SETX: variants seen among roughly 807,000 people sequenced by gnomAD.
SETX encodes the protein senataxin, also known as helicase senataxin.
A neutral mutation model predicts 227.2 loss-of-function variants in SETX; 90 were observed. The observed-to-expected ratio is 0.40, with a 90% CI of 0.33 to 0.47. The LOEUF is 0.47. SETX is among the 20% of genes least tolerant of loss of function. The probability of loss-of-function intolerance (pLI) is 0.91; values close to 1 mark genes in which losing one functional copy is unlikely to be tolerated. For synonymous variants in SETX, 1,210 were observed against 1,113.2 expected (o/e 1.09, Z -1.73); for missense variants, 3,052 against 3,181.5 (o/e 0.96, Z 0.98).
intron 4 of SETX, among the ~76,000 whole-genome samples, chr9:132,345,247 AC>A (rs1466781352): frequency 6.6e-6 from 1 of 152,190 alleles, no homozygotes; most frequent in Non-Finnish European, 1.5e-5. Context: ...AAACCCTGCC[AC>A]AGACATACTA....
At chr9:132,325,790 G>A (rs564275130) in intron 10 of SETX, among the ~76,000 whole-genome samples, 18 of 152,050 alleles carry the variant, frequency 1.2e-4, no homozygotes, top group Non-Finnish European at 1.5e-5. Context: ...AAATTAGTGA[G>A]GCCTGGTGGC....
At chr9:132,277,264 G>C in intron 21 of SETX, 112 bp from the exon 22 acceptor site, 1 of 830,298 alleles carries the variant, frequency 1.2e-6, no homozygotes. Context: ...GCAAGTAAGG[G>C]GATAGCAGGA....
chr9:132,275,858 G>A (rs988920616), intron 22 of SETX, among the ~76,000 whole-genome samples: 1 of 152,072 alleles, frequency 6.6e-6, no homozygotes, highest in Non-Finnish European at 1.5e-5. Context: ...GATCTTCCTT[G>A]TCCCTCACCA....
intron 15 of SETX, among the ~76,000 whole-genome samples, chr9:132,291,483 A>G (rs1412581205): frequency 6.6e-6 from 1 of 151,986 alleles, no homozygotes; most frequent in Non-Finnish European, 1.5e-5. Flanking sequence ...TTCTTAATTC[A>G]CTTACGTTTC....
At chr9:132,342,864 G>A in intron 4 of SETX, 65 bp from the exon 5 acceptor site, 4 of 1,150,012 alleles carry the variant, frequency 3.5e-6, no homozygotes, top group South Asian at 1.2e-5. Flanking sequence ...CCTAAATTAG[G>A]CTCCTTGGGC....
intron 20 of SETX, among the ~76,000 whole-genome samples, 157 bp from the exon 21 acceptor site, chr9:132,278,414 C>G (rs558503883): frequency 1.4e-5 from 2 of 141,428 alleles, no homozygotes; most frequent in South Asian, 4.7e-4. Context: ...GTTTCTGACT[C>G]TGAGCCTCAA....
At chr9:132,355,364 C>T (rs1848859784), upstream of SETX, among the ~76,000 whole-genome samples, 1 of 152,202 alleles carries the variant, frequency 6.6e-6, no homozygotes, top group East Asian at 1.9e-4. Flanking sequence ...TTTTCCACGC[C>T]TCAGGTGTCT....
chr9:132,350,634 T>C (rs993628025), intron 2 of SETX, among the ~76,000 whole-genome samples: 1 of 152,220 alleles, frequency 6.6e-6, no homozygotes, highest in Non-Finnish European at 1.5e-5. Flanking sequence ...ATCAAATACA[T>C]TGTCATATGA....
At chr9:132,283,607 T>C (rs1272986398) in intron 18 of SETX, among the ~76,000 whole-genome samples, 194 bp from the exon 19 acceptor site, 1 of 152,238 alleles carries the variant, frequency 6.6e-6, no homozygotes. Flanking sequence ...GCAGAAAGAA[T>C]GTGTGCTTCG....
intron 15 of SETX, among the ~76,000 whole-genome samples, chr9:132,291,159 C>CTTT (rs139976052): frequency 6.4e-3 from 534 of 83,800 alleles, no homozygotes; most frequent in East Asian, 0.016. Flanking sequence ...GTTTGAAAAC[C>CTTT]TTTTTTTTTT....
At chr9:132,299,852 A>C (rs894006141) in intron 12 of SETX, among the ~76,000 whole-genome samples, 3 of 152,008 alleles carry the variant, frequency 2.0e-5, no homozygotes, top group Non-Finnish European at 4.4e-5. Flanking sequence ...CATAAGAAGG[A>C]CAAGTCTCGG....
Position 132,354,087 on chromosome 9 carries a change from T to A in SETX, c.-114-332A>T, listed in dbSNP as rs771171273. Among the ~76,000 whole-genome samples, 9 of 152,316 alleles carry A rather than the reference T, an allele frequency of 5.9e-5. No individual in the cohort carries two copies. The Middle Eastern group carries it at 0.01, about 173-fold the overall frequency. On this transcript the variant is annotated intron_variant, in intron 1 of 25. Transcript: ENST00000224140. ...CTCGGCCTTCTCCTTGTGGAGCTCT[T>A]TTCCCTCAAGGCAGTCACCCCCGTT...
At chr9:132,333,408 A>AAT (rs773749543) in intron 7 of SETX, among the ~76,000 whole-genome samples, 26 of 72,202 alleles carry the variant, frequency 3.6e-4, no homozygotes, top group Admixed American at 8.7e-4. Flanking sequence ...GAAAAAAAAA[A>AAT]ATATATATAC....
intron 11 of SETX, among the ~76,000 whole-genome samples, chr9:132,306,550 C>T (rs749707049): frequency 2.6e-5 from 4 of 152,022 alleles, no homozygotes; most frequent in Non-Finnish European, 4.4e-5. Context: ...TCATTTTTTT[C>T]TCTGTGGGTT....
intron 3 of SETX, among the ~76,000 whole-genome samples, chr9:132,346,872 T>C (rs550306910): frequency 6.8e-4 from 104 of 152,074 alleles, no homozygotes; most frequent in African/African-American, 2.4e-3. Context: ...AAAGGATCAC[T>C]TGAGCCCAAG....
At chr9:132,268,509 CA>C (rs1389883999) in intron 25 of SETX, among the ~76,000 whole-genome samples, 2 of 152,152 alleles carry the variant, frequency 1.3e-5, no homozygotes, top group Non-Finnish European at 2.9e-5. Context: ...TCAAGTTATA[CA>C]GAAATTTTTG....
rs1257307857 is a variant in SETX, at chr9:132,264,922, A to G, written c.7351T>C (p.Cys2451Arg). The part of the protein sequence containing the change: ...AQKRGAIIKT[C>R]DKNYRHDAVK... Reference sequence around the variant, plus strand: ...GCATCATGTCTATAGTTTTTGTCACAGGTCTTAATAATGGCACCACGCTTC... The same window carrying G: ...GCATCATGTCTATAGTTTTTGTCACGGGTCTTAATAATGGCACCACGCTTC... Residue 2451 changes from cysteine (C) to arginine (R), a missense_variant, in exon 26 of 26, where the codon TGT (cysteine) becomes CGT (arginine). By Grantham distance (180) the Cys-to-Arg change is radical. Around this residue, in one of 10 missense-constraint regions of SETX, gnomAD observed 412 missense variants for 589.0 expected, o/e 0.70. Transcript: ENST00000224140. 6.2e-7 allele frequency: 1 copy of G among 1,614,036 alleles called. No homozygotes were observed. Among genetic ancestry groups the G allele is most frequent in the Admixed American group, 1.7e-5 (1 of 60,004 alleles).
rs373105510 is a variant in SETX at position 132,280,277 on chromosome 9, C to A, written c.6654+1190G>T. On this transcript the variant is annotated intron_variant, in intron 20 of 25. Transcript: ENST00000224140. ...TATTTGTACAACAATTTAAACAGCACAAATGGATTTTTTTTTTCTAATTTT... is the reference window on the plus strand; with the variant it reads ...TATTTGTACAACAATTTAAACAGCAAAAATGGATTTTTTTTTTCTAATTTT... Among the ~76,000 whole-genome samples the A allele has an allele frequency of 7.8e-4, 101 of 128,952 alleles. 1 individual carries two copies. Among genetic ancestry groups the A allele is most frequent in the African/African-American group, 3.1e-3 (88 of 28,816 alleles). 84.6% of individuals were successfully genotyped at this position (128,952 alleles called of 152,430 possible).
intron 6 of SETX, among the ~76,000 whole-genome samples, chr9:132,336,085 T>C (rs947386321): frequency 1.2e-4 from 18 of 152,028 alleles, no homozygotes; most frequent in Non-Finnish European, 2.5e-4. Context: ...CTACTAAAAA[T>C]ACAAAAAATT....
Sources: gnomAD v4.1 joint callset for allele counts (sites outside exome capture counted in the v4.1 genomes callset) on GRCh38, gnomAD v4.1.1 for gene constraint, gnomAD v4.1.1 regional missense constraint, MANE v1.5 for transcripts, NCBI Gene and HGNC (gene_info 2026-07-23, HGNC 2026-07-21) for gene names.